The following FANCL variants were observed in gnomAD, a reference collection of about 807,000 sequenced individuals.
The protein encoded by FANCL is E3 ubiquitin-protein ligase FANCL.
FANCL carries 69 observed loss-of-function variants against 59.4 expected under a neutral mutation model. The ratio of observed to expected loss-of-function variants is 1.16; its 90% CI spans 0.96 to 1.42. FANCL has a LOEUF of 1.42. FANCL is among the 40% of genes most tolerant of loss of function. The pLI, the probability that FANCL is intolerant of heterozygous loss-of-function variation, is 0.00. For missense variants in FANCL, 519 were observed against 447.2 expected (o/e 1.16, Z -1.45); for synonymous variants, 180 against 147.1 (o/e 1.22, Z -1.62).
chr2:58,223,574 G>A (rs1692692396), intron 4 of FANCL, among the ~76,000 whole-genome samples: 1 of 151,926 alleles, frequency 6.6e-6, no homozygotes, highest in East Asian at 1.9e-4. Flanking sequence ...AGCTAAAAAG[G>A]CAAAAGCAGA....
intron 5 of FANCL, among the ~76,000 whole-genome samples, chr2:58,216,805 G>A (rs1305755905): frequency 1.3e-5 from 2 of 151,824 alleles, no homozygotes; most frequent in South Asian, 2.1e-4. Flanking sequence ...TGTACCTAGA[G>A]ATGTGGGGTA....
chr2:58,216,611 T>C (rs1479702837), intron 5 of FANCL, among the ~76,000 whole-genome samples: 1 of 152,134 alleles, frequency 6.6e-6, no homozygotes, highest in East Asian at 1.9e-4. Context: ...GAATCAGTTA[T>C]GAAAATAAAG....
intron 7 of FANCL, among the ~76,000 whole-genome samples, chr2:58,185,535 T>C (rs1688316339): frequency 6.6e-6 from 1 of 152,204 alleles, no homozygotes. Flanking sequence ...AAATGGCTTA[T>C]TCTACTTCCT....
chr2:58,239,240 A>G (rs56730649), intron 1 of FANCL, among the ~76,000 whole-genome samples: 42,412 of 152,094 alleles, frequency 0.28, 7,714 homozygotes, highest in African/African-American at 0.52. Context: ...GGAGACTCTG[A>G]CAGATGATAC....
chr2:58,208,941 C>T (rs1255329053), intron 5 of FANCL, among the ~76,000 whole-genome samples: 2 of 152,108 alleles, frequency 1.3e-5, no homozygotes, highest in African/African-American at 4.8e-5. Context: ...ATGTTAATCC[C>T]CTTATGTGAG....
At chr2:58,236,728 T>C (rs1001355742) in intron 1 of FANCL, among the ~76,000 whole-genome samples, 6 of 151,828 alleles carry the variant, frequency 4.0e-5, no homozygotes, top group Admixed American at 2.6e-4. Flanking sequence ...AGAAACACAC[T>C]AAATATTAAA....
At chr2:58,180,878 AAGTG>A (rs1687874421) in intron 7 of FANCL, among the ~76,000 whole-genome samples, 1 of 152,014 alleles carries the variant, frequency 6.6e-6, no homozygotes. Context: ...TCAGAAAAAA[AAGTG>A]AGAGTACTAA....
At chr2:58,235,184 T>C (rs1385926932) in intron 1 of FANCL, among the ~76,000 whole-genome samples, 1 of 151,822 alleles carries the variant, frequency 6.6e-6, no homozygotes, top group East Asian at 1.9e-4. Context: ...TAGAGAAATA[T>C]ACACAGAGAA....
chr2:58,226,859 G>C (rs1392762931), intron 3 of FANCL, 75 bp from the exon 4 acceptor site: 4 of 1,232,040 alleles, frequency 3.2e-6, no homozygotes, highest in Non-Finnish European at 4.7e-6. Context: ...AAAAAATGTA[G>C]GCCCAAGTGA....
intron 1 of FANCL, among the ~76,000 whole-genome samples, chr2:58,233,485 C>G (rs1196429422): frequency 6.6e-6 from 1 of 151,980 alleles, no homozygotes; most frequent in Non-Finnish European, 1.5e-5. Context: ...TTACCTAAAC[C>G]TCCATCTCCC....
At chr2:58,239,147 T>A (rs1323104272) in intron 1 of FANCL, among the ~76,000 whole-genome samples, 1 of 152,258 alleles carries the variant, frequency 6.6e-6, no homozygotes, top group South Asian at 2.1e-4. Flanking sequence ...CAAGCAAAAG[T>A]CAATGGACGC....
intron 13 of FANCL, 67 bp downstream of exon 13, chr2:58,160,041 C>G: frequency 6.2e-7 from 1 of 1,603,838 alleles, no homozygotes; most frequent in South Asian, 1.1e-5. Context: ...CTATATAGAT[C>G]TATCTTCTAG....
In FANCL at chr2:58,176,475, G is replaced by A. The variant is rs190693635; in HGVS notation, c.541-10601C>T. On this transcript the variant is annotated intron_variant, in intron 7 of 13. Coordinates refer to ENST00000233741, the MANE Select transcript of FANCL (RefSeq NM_018062.4). ...GAACAGAGCCCTCAGAAATAACGCC[G>A]CATATCTACAACTACCTGATCGTTG... 3.0e-3 allele frequency among the ~76,000 whole-genome samples: 449 copies of A among 151,994 alleles called. 1 individual carries two copies. The highest frequency in any genetic ancestry group is 0.01 in the African/African-American group (428 of 41,440).
At chr2:58,213,222 G>T (rs1337796339) in intron 5 of FANCL, among the ~76,000 whole-genome samples, 1 of 152,184 alleles carries the variant, frequency 6.6e-6, no homozygotes, top group Non-Finnish European at 1.5e-5. Context: ...CATTGTGTGT[G>T]TCATTTCAAA....
At chr2:58,184,554 C>T (rs1307816431) in intron 7 of FANCL, among the ~76,000 whole-genome samples, 3 of 151,780 alleles carry the variant, frequency 2.0e-5, no homozygotes, top group South Asian at 2.1e-4. Context: ...AGCAAAATGC[C>T]GTCTGTTTTG....
At chr2:58,169,116 T>A (rs977420136) in intron 7 of FANCL, among the ~76,000 whole-genome samples, 2 of 152,054 alleles carry the variant, frequency 1.3e-5, no homozygotes, top group African/African-American at 4.8e-5. Flanking sequence ...ACAGACTGCC[T>A]CCTCAAGCAG....
chr2:58,221,337 A>C (rs1573774914), intron 5 of FANCL, among the ~76,000 whole-genome samples: 1 of 152,242 alleles, frequency 6.6e-6, no homozygotes, highest in Admixed American at 6.5e-5. Context: ...ACTGAATAGC[A>C]AACAAATCAT....
At position 58,173,404 on chromosome 2, in the gene FANCL, C is replaced by T. The variant is rs964568887; in HGVS notation, c.541-7530G>A. 7.2e-5 allele frequency among the ~76,000 whole-genome samples: 11 copies of T among 152,278 alleles called. No individual in the cohort carries two copies. The South Asian group carries it at 1.2e-3, about 17-fold the overall frequency. ...CCAGAGAGAAAGGTCGGGTTACCCA[C>T]AAAGGGAAGCCCATCAGACTAACAG... On this transcript the variant is annotated intron_variant, in intron 7 of 13. Coordinates refer to ENST00000233741, the MANE Select transcript of FANCL (RefSeq NM_018062.4).
chr2:58,196,439 T>C (rs908009892), intron 7 of FANCL, among the ~76,000 whole-genome samples: 1 of 152,044 alleles, frequency 6.6e-6, no homozygotes, highest in Admixed American at 6.6e-5. Context: ...TTCCACAAAT[T>C]AAGAATTTAT....
Sources: gnomAD v4.1 joint callset for allele counts (sites outside exome capture counted in the v4.1 genomes callset) on GRCh38, gnomAD v4.1.1 for gene constraint, MANE v1.5 for transcripts, NCBI Gene and HGNC (gene_info 2026-07-23, HGNC 2026-07-21) for gene names.